Variants in PCDHGB2 observed in about 807,000 individuals in gnomAD.
The protein encoded by PCDHGB2 is protocadherin gamma subfamily B, 2, also known as protocadherin gamma-B2.
In PCDHGB2, 55 loss-of-function variants were observed where a neutral mutation model predicts 59.3. The ratio of observed to expected loss-of-function variants is 0.93; its 90% CI spans 0.75 to 1.16. The LOEUF is 1.16. Ranked by LOEUF, PCDHGB2 falls within the 50% of genes most tolerant of loss-of-function variation. The pLI, the probability that PCDHGB2 is intolerant of heterozygous loss-of-function variation, is 0.00. For synonymous variants in PCDHGB2, 516 were observed against 512.0 expected, an observed-to-expected ratio of 1.01 and a Z score of -0.11; for missense variants, 1,228 against 1,198.5, an observed-to-expected ratio of 1.02 and a Z score of -0.36.
At chr5:141,503,479 G>A (rs1203644194) in intron 2 of PCDHGB2, among the ~76,000 whole-genome samples, 5 of 151,616 alleles carry the variant, frequency 3.3e-5, no homozygotes, top group African/African-American at 9.7e-5. Context: ...TGCACTTGTC[G>A]TCCCAGCTGC....
intron 1 of PCDHGB2, chr5:141,365,461 A>G (rs1237743383): frequency 6.2e-7 from 1 of 1,614,022 alleles, no homozygotes; most frequent in Admixed American, 1.7e-5. Flanking sequence ...GTGATTCTGG[A>G]GAAAATGGTG....
rs1318637710 is a variant in PCDHGB2, at chr5:141,361,728, A to T, written c.1593A>T (p.Thr531=). 3 of 1,613,128 alleles carry T rather than the reference A, an allele frequency of 1.9e-6. No homozygotes were observed. The highest frequency in any genetic ancestry group is 2.5e-6 in the Non-Finnish European group (3 of 1,179,798). ...DHEQLRAFEL[T]LQARDQGSPA... is the part of the protein sequence containing the mutation. ...AGCAGCTGCGCGCCTTCGAGCTCAC[A>T]CTGCAGGCCCGCGACCAGGGCTCGC... The change falls in exon 1 of 4, where the codon ACA becomes ACT. Residue 531 remains threonine (T), a synonymous_variant. Transcript: ENST00000522605.
chr5:141,410,109 ACG>A, intron 1 of PCDHGB2: 1 of 1,612,496 alleles, frequency 6.2e-7, no homozygotes, highest in Non-Finnish European at 8.5e-7. Flanking sequence ...GGCGACAGGG[ACG>A]CAGCCCGCCA....
intron 1 of PCDHGB2, chr5:141,414,939 C>T (rs773327918): frequency 2.5e-6 from 4 of 1,614,090 alleles, no homozygotes; most frequent in Admixed American, 1.7e-5. Context: ...CCGCAGAGCC[C>T]GGCTACCTGG....
chr5:141,437,638 A>G (rs192433359), intron 1 of PCDHGB2, among the ~76,000 whole-genome samples: 1 of 152,250 alleles, frequency 6.6e-6, no homozygotes, highest in Admixed American at 6.5e-5. Context: ...TGTCAGGTTC[A>G]GAAAAGCAAA....
At position 141,402,836 on chromosome 5, in the gene PCDHGB2, A is replaced by G. The variant is rs115293033; in HGVS notation, c.2421+40280A>G. 4.8e-4 allele frequency: 668 copies of G among 1,379,778 alleles called. 2 individuals are homozygous for G. The African/African-American group carries it at 8.5e-3, about 18-fold the overall frequency. 85.5% of individuals were successfully genotyped at this position (1,379,778 alleles called of 1,614,324 possible). On this transcript the variant is annotated intron_variant, in intron 1 of 3. Coordinates refer to ENST00000522605, the MANE Select transcript of PCDHGB2 (RefSeq NM_018923.3). ...ACAAACCTGCTCCCAGGCTGCAGCA[A>G]AACTCAGCCTCTTTCTTCTAAGGAA...
At chr5:141,366,966 A>C in intron 1 of PCDHGB2, 1 of 605,066 alleles carries the variant, frequency 1.7e-6, no homozygotes. Context: ...TAAGTGAAAC[A>C]AATACCTTAA....
chr5:141,398,781 A>G, intron 1 of PCDHGB2: 1 of 1,613,934 alleles, frequency 6.2e-7, no homozygotes, highest in South Asian at 1.1e-5. Flanking sequence ...TGGACGGTGG[A>G]CATCCACCCC....
chr5:141,373,958 C>T, intron 1 of PCDHGB2: 1 of 917,866 alleles, frequency 1.1e-6, no homozygotes, highest in Non-Finnish European at 1.5e-6. Context: ...AAATTCTGAC[C>T]TGAAACGCTT....
At chr5:141,446,450 T>C (rs922188307) in intron 1 of PCDHGB2, among the ~76,000 whole-genome samples, 2 of 152,018 alleles carry the variant, frequency 1.3e-5, no homozygotes, top group Non-Finnish European at 2.9e-5. Context: ...AGTGCAGATA[T>C]TCAGTGTGTG....
chr5:141,420,004 G>C (rs768411058), intron 1 of PCDHGB2: 4 of 1,614,084 alleles, frequency 2.5e-6, no homozygotes, highest in Non-Finnish European at 3.4e-6. Flanking sequence ...CTCTACGCCT[G>C]CGACAGTCTT....
At chr5:141,417,854 C>G in intron 1 of PCDHGB2, 2 of 1,543,902 alleles carry the variant, frequency 1.3e-6, no homozygotes, top group Non-Finnish European at 1.8e-6. Flanking sequence ...AGAACCCGAG[C>G]GAACGATGGG....
chr5:141,462,983 T>C (rs530985795), intron 1 of PCDHGB2, among the ~76,000 whole-genome samples: 278 of 152,304 alleles, frequency 1.8e-3, no homozygotes, highest in Non-Finnish European at 3.4e-3. Flanking sequence ...AACTTTTGCC[T>C]TGGGCTAATT....
intron 1 of PCDHGB2, among the ~76,000 whole-genome samples, chr5:141,444,497 C>G (rs899746599): frequency 3.3e-5 from 5 of 152,026 alleles, no homozygotes; most frequent in African/African-American, 1.2e-4. Context: ...TTGTGTAATA[C>G]TTTGCTCTAG....
At chr5:141,469,780 G>A (rs775691161) in intron 1 of PCDHGB2, among the ~76,000 whole-genome samples, 12 of 152,080 alleles carry the variant, frequency 7.9e-5, no homozygotes, top group Non-Finnish European at 1.8e-4. Context: ...ATTTATTACA[G>A]CGTTATTTGT....
chr5:141,385,424 C>CT, intron 1 of PCDHGB2: 1 of 1,461,926 alleles, frequency 6.8e-7, no homozygotes, highest in Admixed American at 2.8e-5. Flanking sequence ...ATTTAAAAAA[C>CT]TTTATAGAGG....
In PCDHGB2 at chr5:141,478,818, C is replaced by T. The variant is rs980032138; in HGVS notation, c.2422-15989C>T. ...AGCACTCTTTTGCTATCACAACTAA[C>T]CAATCTTGCTAAGGGATGGTTAAGC... On this transcript the variant is annotated intron_variant, in intron 1 of 3. Transcript: ENST00000522605. The T allele has an allele frequency of 2.1e-5, 30 of 1,449,330 alleles. No individual in the cohort carries two copies. The African/African-American group carries it at 3.3e-4, about 16-fold the overall frequency. 89.8% of individuals were successfully genotyped at this position (1,449,330 alleles called of 1,614,324 possible). A position where few individuals can be genotyped will look rare whatever the true frequency, so the allele number is the denominator to read the frequency against.
chr5:141,372,646 C>G (rs1768939732), intron 1 of PCDHGB2: 1 of 1,614,008 alleles, frequency 6.2e-7, no homozygotes, highest in Non-Finnish European at 8.5e-7. Context: ...TTGCCTTATT[C>G]CTACAATCCG....
chr5:141,472,316 C>T (rs1456055286), intron 1 of PCDHGB2, among the ~76,000 whole-genome samples: 6 of 151,940 alleles, frequency 3.9e-5, no homozygotes, highest in Non-Finnish European at 8.8e-5. Context: ...CCGAGGCAGG[C>T]AGATCACGAG....
Sources: allele counts gnomAD v4.1 joint callset (sites outside exome capture counted in the v4.1 genomes callset), GRCh38; gene constraint gnomAD v4.1.1; transcripts MANE v1.5; gene names NCBI Gene and HGNC (gene_info 2026-07-23, HGNC 2026-07-21).